Variants in SH3RF3 observed in about 807,000 individuals in gnomAD.
SH3RF3 encodes the protein SH3 domain containing ring finger 3, also known as E3 ubiquitin-protein ligase SH3RF3.
SH3RF3 carries 29 observed loss-of-function variants against 66.3 expected under a neutral mutation model. The ratio of observed to expected loss-of-function variants is 0.44; its 90% CI spans 0.33 to 0.60. The LOEUF is 0.60. Among genes scored for constraint, SH3RF3 ranks in the 20% least tolerant of loss-of-function variants. SH3RF3 has a pLI of 0.04. For missense variants in SH3RF3, 1,194 were observed against 1,190.9 expected (o/e 1.00, Z -0.04); for synonymous variants, 583 against 532.0 (o/e 1.10, Z -1.32).
At chr2:109,247,933 A>T (rs1199962986) in intron 1 of SH3RF3, among the ~76,000 whole-genome samples, 1 of 152,234 alleles carries the variant, frequency 6.6e-6, no homozygotes, top group Non-Finnish European at 1.5e-5. Flanking sequence ...AAGAAAAGGC[A>T]GACTCCAACG....
chr2:109,242,862 T>A (rs1030376237), intron 1 of SH3RF3, among the ~76,000 whole-genome samples: 1 of 152,194 alleles, frequency 6.6e-6, no homozygotes, highest in Non-Finnish European at 1.5e-5. Context: ...CTGCTTCAGA[T>A]TATCTATTCT....
At chr2:109,190,870 G>A (rs964131408) in intron 1 of SH3RF3, among the ~76,000 whole-genome samples, 1 of 151,792 alleles carries the variant, frequency 6.6e-6, no homozygotes, top group East Asian at 1.9e-4. Flanking sequence ...TGTATGTAAA[G>A]CACTGTGCTC....
chr2:109,157,904 C>T (rs1442681659), intron 1 of SH3RF3, among the ~76,000 whole-genome samples: 1 of 152,138 alleles, frequency 6.6e-6, no homozygotes, highest in Non-Finnish European at 1.5e-5. Flanking sequence ...TTCTCTGTGG[C>T]AGCTGCTCGT....
chr2:109,438,087 G>A (rs948444351), intron 7 of SH3RF3, among the ~76,000 whole-genome samples: 2 of 152,196 alleles, frequency 1.3e-5, no homozygotes, highest in African/African-American at 2.4e-5. Flanking sequence ...TTAGACTAAC[G>A]AACACGATGA....
rs114996603 is a variant in SH3RF3 at position 109,486,097 on chromosome 2, C to T, written c.2149-4508C>T. ...GGGGCACTGAGTAGGTGTTAGTAACCCTCAATAACCTTTCTTCACCTTCCC... is the reference window on the plus strand; with the variant it reads ...GGGGCACTGAGTAGGTGTTAGTAACTCTCAATAACCTTTCTTCACCTTCCC... On this transcript the variant is annotated intron_variant, in intron 8 of 9. Coordinates refer to ENST00000309415, the MANE Select transcript of SH3RF3 (RefSeq NM_001099289.3). Among the ~76,000 whole-genome samples the T allele has an allele frequency of 2.7e-3, 416 of 152,312 alleles. 2 individuals carry two copies. The highest frequency in any genetic ancestry group is 9.6e-3 in the African/African-American group (400 of 41,562).
intron 1 of SH3RF3, among the ~76,000 whole-genome samples, chr2:109,256,967 A>G (rs1574533437): frequency 1.3e-5 from 2 of 152,122 alleles, no homozygotes; most frequent in South Asian, 4.1e-4. Context: ...TTCATGCTGG[A>G]GGGAGTTATT....
In SH3RF3 at chr2:109,465,033, C is replaced by T. The variant is rs370637474; in HGVS notation, c.2148+15544C>T. Among the ~76,000 whole-genome samples, 119 of 152,310 alleles carry T rather than the reference C, an allele frequency of 7.8e-4. 1 individual carries two copies. The highest frequency in any genetic ancestry group is 2.6e-3 in the African/African-American group (109 of 41,568). The stretch of plus-strand genomic sequence containing the variant: ...CCTTTTTACTGCCTTCATAGATTTG[C>T]CTTTTCTAGATTGTTATACAATTGG... On this transcript the variant is annotated intron_variant, in intron 8 of 9. Coordinates refer to ENST00000309415, the MANE Select transcript of SH3RF3 (RefSeq NM_001099289.3).
At chr2:109,216,469 G>A (rs1383001000) in intron 1 of SH3RF3, among the ~76,000 whole-genome samples, 1 of 152,212 alleles carries the variant, frequency 6.6e-6, no homozygotes, top group Non-Finnish European at 1.5e-5. Flanking sequence ...GCGGTGCAGG[G>A]CTTATCCATG....
chr2:109,130,808 C>T (rs1454850701), intron 1 of SH3RF3, among the ~76,000 whole-genome samples: 3 of 152,166 alleles, frequency 2.0e-5, no homozygotes, highest in East Asian at 3.9e-4. Context: ...TTAGGGCCTT[C>T]GCTGCTTCTG....
At position 109,204,333 on chromosome 2, in the gene SH3RF3, C is replaced by G. The variant is rs112378369; in HGVS notation, c.573+74220C>G. On this transcript the variant is annotated intron_variant, in intron 1 of 9. Transcript: ENST00000309415. ...GGGCACTCTTCTGTGATCCTGTTAT[C>G]TCACCTAAGAGAGTTAGCAGGAATC... 4.1e-3 allele frequency among the ~76,000 whole-genome samples: 627 copies of G among 152,312 alleles called. 2 individuals are homozygous for G. Among genetic ancestry groups the G allele is most frequent in the African/African-American group, 0.015 (603 of 41,564 alleles).
chr2:109,247,017 T>G (rs1182686679), intron 1 of SH3RF3, among the ~76,000 whole-genome samples: 1 of 152,242 alleles, frequency 6.6e-6, no homozygotes, highest in Non-Finnish European at 1.5e-5. Flanking sequence ...GGACCCTCAC[T>G]TTTTGAGATG....
intron 3 of SH3RF3, among the ~76,000 whole-genome samples, chr2:109,378,657 C>T (rs1413537527): frequency 1.3e-5 from 2 of 152,182 alleles, no homozygotes; most frequent in African/African-American, 4.8e-5. Context: ...TTTTGAGGCT[C>T]GCTTTGAGGC....
rs529158366 is a variant in SH3RF3 at position 109,205,871 on chromosome 2, C to T, written c.573+75758C>T. Among the ~76,000 whole-genome samples the T allele has an allele frequency of 2.7e-4, 41 of 152,274 alleles. 1 individual carries two copies. In the South Asian group the frequency reaches 7.7e-3, roughly 28 times the overall value. ...AGTTGGAGTTTTCTCCTTTCCGCTT[C>T]CTGTTTTTTCATAGAAACCAACTGA... On this transcript the variant is annotated intron_variant, in intron 1 of 9. Coordinates refer to ENST00000309415, the MANE Select transcript of SH3RF3 (RefSeq NM_001099289.3).
intron 1 of SH3RF3, among the ~76,000 whole-genome samples, chr2:109,209,201 C>G (rs189959138): frequency 6.6e-6 from 1 of 152,276 alleles, no homozygotes; most frequent in Admixed American, 6.5e-5. Flanking sequence ...GGCTGGTGGT[C>G]TCATATGCCG....
intron 8 of SH3RF3, among the ~76,000 whole-genome samples, chr2:109,455,090 C>T (rs1573265766): frequency 6.6e-6 from 1 of 152,210 alleles, no homozygotes; most frequent in Non-Finnish European, 1.5e-5. Context: ...TGGGGCCACA[C>T]AGCATCGGCA....
intron 8 of SH3RF3, among the ~76,000 whole-genome samples, chr2:109,473,560 C>T (rs924713405): frequency 2.6e-5 from 4 of 152,190 alleles, no homozygotes; most frequent in African/African-American, 7.2e-5. Flanking sequence ...AATAAACCCT[C>T]TGTAACTGCT....
At chr2:109,339,325 T>C in intron 1 of SH3RF3, among the ~76,000 whole-genome samples, 1 of 152,214 alleles carries the variant, frequency 6.6e-6, no homozygotes, top group South Asian at 2.1e-4. Flanking sequence ...GAAAAATGTA[T>C]ATATAGTAAG....
intron 1 of SH3RF3, among the ~76,000 whole-genome samples, chr2:109,217,905 C>T (rs752937393): frequency 7.9e-5 from 12 of 152,140 alleles, no homozygotes; most frequent in Middle Eastern, 3.2e-3. Context: ...GGAGCTGGCC[C>T]GGCTGTGGGT....
At chr2:109,181,069 A>G (rs1678061912) in intron 1 of SH3RF3, among the ~76,000 whole-genome samples, 1 of 152,208 alleles carries the variant, frequency 6.6e-6, no homozygotes, top group Non-Finnish European at 1.5e-5. Flanking sequence ...CACAGTACTC[A>G]CAGACCCTCC....
Sources: gnomAD v4.1 joint callset for allele counts (sites outside exome capture counted in the v4.1 genomes callset) on GRCh38, gnomAD v4.1.1 for gene constraint, MANE v1.5 for transcripts, NCBI Gene and HGNC (gene_info 2026-07-23, HGNC 2026-07-21) for gene names.